Variants in GFRA1 observed in about 807,000 individuals in gnomAD.
GFRA1 encodes the protein GDNF family receptor alpha-1.
GFRA1 carries 16 observed loss-of-function variants against 51.6 expected under a neutral mutation model. The observed-to-expected ratio is 0.31, with a 90% CI of 0.21 to 0.47. The LOEUF is 0.47. GFRA1 is among the 20% of genes least tolerant of loss of function. The probability of loss-of-function intolerance (pLI) is 1.00; values close to 1 mark genes in which losing one functional copy is unlikely to be tolerated. For synonymous variants in GFRA1, 270 were observed against 241.3 expected (o/e 1.12, Z -1.10); for missense variants, 530 against 594.3 (o/e 0.89, Z 1.13).
At chr10:116,257,389 T>C (rs902574547) in intron 4 of GFRA1, among the ~76,000 whole-genome samples, 1 of 142,164 alleles carries the variant, frequency 7.0e-6, no homozygotes, top group African/African-American at 2.6e-5. Context: ...CCTCGGCACC[T>C]AAATGCTGGG....
At chr10:116,212,188 C>T (rs1368082718) in intron 4 of GFRA1, among the ~76,000 whole-genome samples, 1 of 151,950 alleles carries the variant, frequency 6.6e-6, no homozygotes. Flanking sequence ...TGAGAAGCTA[C>T]TAAATACCCT....
At chr10:116,258,429 AAATT>A (rs1161230522) in intron 4 of GFRA1, among the ~76,000 whole-genome samples, 2 of 147,704 alleles carry the variant, frequency 1.4e-5, no homozygotes, top group South Asian at 2.1e-4. Flanking sequence ...AATAAATATA[AAATT>A]AATAAAATAT....
chr10:116,148,962 A>G (rs1958949589), intron 5 of GFRA1, among the ~76,000 whole-genome samples: 1 of 152,228 alleles, frequency 6.6e-6, no homozygotes, highest in Non-Finnish European at 1.5e-5. Context: ...TTTAATAACA[A>G]GAGCACACTG....
intron 6 of GFRA1, among the ~76,000 whole-genome samples, chr10:116,124,300 C>A (rs10885855): frequency 1.3e-3 from 196 of 150,130 alleles, no homozygotes; most frequent in African/African-American, 4.3e-3. Flanking sequence ...TGCCATCTCG[C>A]CTCACTGCAA....
chr10:116,244,430 A>C (rs1170861035), intron 4 of GFRA1, among the ~76,000 whole-genome samples: 1 of 146,850 alleles, frequency 6.8e-6, no homozygotes, highest in Non-Finnish European at 1.5e-5. Context: ...ATTTCATTTA[A>C]TGTTAATAAT....
intron 4 of GFRA1, among the ~76,000 whole-genome samples, chr10:116,254,399 T>C (rs1968655382): frequency 6.7e-6 from 1 of 149,528 alleles, no homozygotes; most frequent in Non-Finnish European, 1.5e-5. Flanking sequence ...TGGTTAGACA[T>C]GGTGGCTTAT....
At chr10:116,115,752 A>G (rs1311166591) in intron 6 of GFRA1, among the ~76,000 whole-genome samples, 5 of 151,466 alleles carry the variant, frequency 3.3e-5, no homozygotes, top group Admixed American at 6.6e-5. Flanking sequence ...TGGGAATTAG[A>G]AAAAAAAATG....
At chr10:116,111,401 TAG>T (rs1565583132) in intron 6 of GFRA1, among the ~76,000 whole-genome samples, 1 of 152,184 alleles carries the variant, frequency 6.6e-6, no homozygotes, top group African/African-American at 2.4e-5. Context: ...CAGCAGGCAA[TAG>T]AGCCCTTCCA....
chr10:116,091,778 T>C (rs769828899), intron 8 of GFRA1, among the ~76,000 whole-genome samples: 14 of 152,222 alleles, frequency 9.2e-5, no homozygotes, highest in Non-Finnish European at 1.8e-4. Context: ...CCCTGTGTCT[T>C]TGGGGCTCTG....
chr10:116,173,085 C>T (rs776676651), intron 5 of GFRA1, among the ~76,000 whole-genome samples: 5 of 152,160 alleles, frequency 3.3e-5, no homozygotes, highest in Non-Finnish European at 7.3e-5. Context: ...ATTCTATGTG[C>T]CTGGTATTGA....
At chr10:116,236,356 G>A (rs1216379033) in intron 4 of GFRA1, among the ~76,000 whole-genome samples, 1 of 152,010 alleles carries the variant, frequency 6.6e-6, no homozygotes, top group Non-Finnish European at 1.5e-5. Flanking sequence ...TGCCTGAGGT[G>A]GAAAATTTCC....
intron 5 of GFRA1, among the ~76,000 whole-genome samples, chr10:116,131,345 C>T (rs867744029): frequency 1.3e-5 from 2 of 152,146 alleles, no homozygotes; most frequent in African/African-American, 2.4e-5. Flanking sequence ...GAAAAACATT[C>T]GGTAGCTTTT....
chr10:116,188,261 G>A (rs551630314), intron 5 of GFRA1, among the ~76,000 whole-genome samples: 24 of 152,292 alleles, frequency 1.6e-4, no homozygotes, highest in Non-Finnish European at 2.8e-4. Context: ...CTGAGGGTTC[G>A]GAGGAATGAG....
chr10:116,165,980 G>A (rs1410996003), intron 5 of GFRA1, among the ~76,000 whole-genome samples: 1 of 152,120 alleles, frequency 6.6e-6, no homozygotes, highest in Non-Finnish European at 1.5e-5. Context: ...CTCATTGTGT[G>A]TTGTTCCCCT....
At chr10:116,271,920 G>A in intron 2 of GFRA1, 70 bp downstream of exon 2, 1 of 1,222,174 alleles carries the variant, frequency 8.2e-7, no homozygotes, top group Non-Finnish European at 1.2e-6. Context: ...CGGAGGGCGG[G>A]GTGGGCTGCT....
chr10:116,267,114 C>T (rs1401314472), intron 4 of GFRA1, among the ~76,000 whole-genome samples: 1 of 151,900 alleles, frequency 6.6e-6, no homozygotes, highest in Non-Finnish European at 1.5e-5. Context: ...GCACTCTAGC[C>T]TAGGCGACAG....
In GFRA1 at chr10:116,057,918, A is replaced by G. The variant is rs79574674; in HGVS notation, c.*6480T>C. ...GCTACAGCTAAAAAATAATAATAAT[A>G]AAAAAAAATTCCCGATCAAGCATGC... On this transcript the variant is annotated 3_prime_UTR_variant, in exon 11 of 11. Transcript: ENST00000355422. The G allele has an allele frequency of 2.0e-5, 3 of 151,494 alleles. No homozygotes were observed. Among genetic ancestry groups the G allele is most frequent in the Middle Eastern group, 3.4e-3 (1 of 294 alleles). 9.4% of individuals were successfully genotyped at this position (151,494 alleles called of 1,614,324 possible). A position where few individuals can be genotyped will look rare whatever the true frequency, so the allele number is the denominator to read the frequency against.
At chr10:116,216,537 G>A (rs987129710) in intron 4 of GFRA1, among the ~76,000 whole-genome samples, 2 of 152,208 alleles carry the variant, frequency 1.3e-5, no homozygotes, top group African/African-American at 4.8e-5. Flanking sequence ...ATGGCAAACA[G>A]TGAAACTGTG....
chr10:116,076,435 C>CA lies in GFRA1; in HGVS notation c.1198-10810dup, dbSNP rs540689836. Among the ~76,000 whole-genome samples the CA allele has an allele frequency of 5.5e-4, 82 of 150,318 alleles. 1 individual carries two copies. The South Asian group carries it at 0.014, about 26-fold the overall frequency. ...GACAACTAGAGAACTGAATGAGAAA[C>CA]AAAAAAAAAGGAAGCCTGTGTCATT... On this transcript the variant is annotated intron_variant, in intron 9 of 10. Transcript: ENST00000355422.
Sources: allele counts gnomAD v4.1 joint callset (sites outside exome capture counted in the v4.1 genomes callset), GRCh38; gene constraint gnomAD v4.1.1; transcripts MANE v1.5; gene names NCBI Gene and HGNC (gene_info 2026-07-23, HGNC 2026-07-21).